Variants in MACROD1 observed in about 807,000 individuals in gnomAD.
The protein encoded by MACROD1 is ADP-ribose glycohydrolase MACROD1.
Under a neutral mutation model 41.4 loss-of-function variants are expected in MACROD1, and 31 were observed. That is an observed-to-expected ratio of 0.75 (90% CI 0.56 to 1.01). The LOEUF is 1.01. Among genes scored for constraint, MACROD1 ranks in the 50% least tolerant of loss-of-function variants. The pLI, the probability that MACROD1 is intolerant of heterozygous loss-of-function variation, is 0.00. For missense variants in MACROD1, 473 were observed against 460.0 expected, an observed-to-expected ratio of 1.03 and a Z score of -0.26; for synonymous variants, 252 against 203.4, an observed-to-expected ratio of 1.24 and a Z score of -2.03.
rs1176247906 is a variant in MACROD1, at chr11:64,118,399, T to A, written c.517+32840A>T. On this transcript the variant is annotated intron_variant, in intron 3 of 10. Transcript: ENST00000255681. Reference sequence around the variant, plus strand: ...AAGAGAGCAAGGAAGAGAAATTCCATGGGTGACTTTCCTCCGCAGAAAGCA... The same window carrying A: ...AAGAGAGCAAGGAAGAGAAATTCCAAGGGTGACTTTCCTCCGCAGAAAGCA... The A allele has an allele frequency of 4.5e-6, 6 of 1,335,020 alleles. No homozygotes were observed. In the Admixed American group the frequency reaches 1.8e-4, roughly 40 times the overall value. The allele number at this position is 1,335,020 out of a possible 1,614,324, so 82.7% of individuals were successfully genotyped here. A position where few individuals can be genotyped will look rare whatever the true frequency, so the allele number is the denominator to read the frequency against.
chr11:64,094,467 A>G (rs2134534914), intron 3 of MACROD1, among the ~76,000 whole-genome samples: 1 of 151,910 alleles, frequency 6.6e-6, no homozygotes, highest in East Asian at 1.9e-4. Flanking sequence ...AAAGTTAAGC[A>G]GGCTGGGGAC....
intron 3 of MACROD1, among the ~76,000 whole-genome samples, chr11:64,045,825 AC>A (rs913056569): frequency 6.6e-6 from 1 of 152,168 alleles, no homozygotes; most frequent in Non-Finnish European, 1.5e-5. Context: ...GCTGGCTCAA[AC>A]CTGTAATCCC....
intron 3 of MACROD1, among the ~76,000 whole-genome samples, chr11:64,138,099 G>A (rs1945356324): frequency 6.6e-6 from 1 of 152,212 alleles, no homozygotes; most frequent in South Asian, 2.1e-4. Flanking sequence ...AGGAAACTGA[G>A]GTTCAGGGGA....
intron 3 of MACROD1, among the ~76,000 whole-genome samples, chr11:64,110,045 A>G (rs1944832871): frequency 6.6e-6 from 1 of 152,160 alleles, no homozygotes; most frequent in Non-Finnish European, 1.5e-5. Flanking sequence ...CTCTGCACAT[A>G]TAATGTCAGT....
chr11:64,046,519 C>T (rs559939771), intron 3 of MACROD1, among the ~76,000 whole-genome samples: 1 of 152,314 alleles, frequency 6.6e-6, no homozygotes, highest in South Asian at 2.1e-4. Flanking sequence ...TGCTCCAGCC[C>T]AGGTCAGCTT....
At chr11:64,077,744 T>C (rs1185912430) in intron 3 of MACROD1, among the ~76,000 whole-genome samples, 1 of 152,206 alleles carries the variant, frequency 6.6e-6, no homozygotes, top group East Asian at 1.9e-4. Flanking sequence ...CCTCACTGCA[T>C]TGCCGAGGGA....
intron 3 of MACROD1, chr11:64,118,177 C>T (rs765503556): frequency 1.2e-6 from 2 of 1,613,652 alleles, no homozygotes; most frequent in South Asian, 2.2e-5. Context: ...GTGGTCCACA[C>T]TATCTTCCCC....
intron 4 of MACROD1, among the ~76,000 whole-genome samples, chr11:64,009,526 T>C (rs1942968572): frequency 6.6e-6 from 1 of 152,156 alleles, no homozygotes; most frequent in South Asian, 2.1e-4. Flanking sequence ...AAGCCCTGAG[T>C]CCCAGCATTT....
At chr11:64,029,301 G>A (rs1789747643) in intron 3 of MACROD1, among the ~76,000 whole-genome samples, 1 of 152,166 alleles carries the variant, frequency 6.6e-6, no homozygotes, top group Admixed American at 6.5e-5. Flanking sequence ...AGATGAGGGG[G>A]CTGCAGAGCT....
chr11:64,134,351 T>C (rs1945304228), intron 3 of MACROD1, among the ~76,000 whole-genome samples: 1 of 151,936 alleles, frequency 6.6e-6, no homozygotes, highest in Non-Finnish European at 1.5e-5. Context: ...GAAGCAGCAT[T>C]CCCCCAGTGA....
chr11:64,058,403 T>TG lies in MACROD1; in HGVS notation c.518-43123dup, dbSNP rs36076587. Among the ~76,000 whole-genome samples, 491 of 151,378 alleles carry TG rather than the reference T, an allele frequency of 3.2e-3. 2 individuals carry two copies. Among genetic ancestry groups the TG allele is most frequent in the African/African-American group, 7.1e-3 (292 of 41,352 alleles). ...CAGTCACCTGCAGGTGAGGAGGGCT[T>TG]GGGGGGGGGTCCTCCCCTGTATGCC... is the stretch of plus-strand genomic sequence containing the variant. On this transcript the variant is annotated intron_variant, in intron 3 of 10. Transcript: ENST00000255681.
intron 3 of MACROD1, among the ~76,000 whole-genome samples, chr11:64,111,881 C>T (rs1944869678): frequency 6.6e-6 from 1 of 152,186 alleles, no homozygotes; most frequent in African/African-American, 2.4e-5. Flanking sequence ...GCAGGAGGCT[C>T]ACAGGAGAGT....
chr11:64,015,361 C>G, intron 3 of MACROD1, 80 bp from the exon 4 acceptor site: 1 of 1,406,632 alleles, frequency 7.1e-7, no homozygotes, highest in Non-Finnish European at 9.7e-7. Context: ...AGGGTGATGT[C>G]AAGATGGGAG....
At chr11:64,094,149 T>G (rs759289880) in intron 3 of MACROD1, among the ~76,000 whole-genome samples, 1 of 151,938 alleles carries the variant, frequency 6.6e-6, no homozygotes, top group Non-Finnish European at 1.5e-5. Flanking sequence ...ATACAAAGCT[T>G]AGGCTGGGCG....
intron 1 of MACROD1, among the ~76,000 whole-genome samples, chr11:64,156,822 A>G (rs968268910): frequency 2.6e-5 from 4 of 152,150 alleles, no homozygotes; most frequent in African/African-American, 9.7e-5. Context: ...CTTCTAGTCT[A>G]TGGACCCAAG....
At chr11:64,007,396 G>C (rs1359733982) in intron 4 of MACROD1, among the ~76,000 whole-genome samples, 2 of 152,200 alleles carry the variant, frequency 1.3e-5, no homozygotes, top group African/African-American at 4.8e-5. Context: ...GGTGGCATTG[G>C]AGCAGAGCCC....
At chr11:64,098,182 A>G (rs1240903479) in intron 3 of MACROD1, among the ~76,000 whole-genome samples, 1 of 152,112 alleles carries the variant, frequency 6.6e-6, no homozygotes, top group East Asian at 1.9e-4. Context: ...ACGCTCCTCC[A>G]TGCCTCGGCA....
intron 3 of MACROD1, among the ~76,000 whole-genome samples, chr11:64,043,394 G>A (rs546021637): frequency 6.6e-6 from 1 of 152,328 alleles, no homozygotes; most frequent in East Asian, 1.9e-4. Flanking sequence ...CCGAGGTCTG[G>A]GGCCCATGCA....
At position 64,016,915 on chromosome 11, in the gene MACROD1, GC is replaced by G. The variant is rs1469072957; in HGVS notation, c.518-1635del. On this transcript the variant is annotated intron_variant, in intron 3 of 10. Transcript: ENST00000255681. The stretch of plus-strand genomic sequence containing the variant: ...CCCAGGACAGGCTGCAGAGGGGCGG[GC>G]CCCCCAGTGACTCTGGGTGGGGCCT... Among the ~76,000 whole-genome samples the G allele has an allele frequency of 5.3e-5, 8 of 152,288 alleles. No homozygotes were observed. The East Asian group carries it at 1.4e-3, about 26-fold the overall frequency.
Sources: allele counts gnomAD v4.1 joint callset (sites outside exome capture counted in the v4.1 genomes callset), GRCh38; gene constraint gnomAD v4.1.1; transcripts MANE v1.5; gene names NCBI Gene and HGNC (gene_info 2026-07-23, HGNC 2026-07-21).